The following VAV2 variants were observed in gnomAD, a reference collection of about 807,000 sequenced individuals.
VAV2 encodes the protein vav guanine nucleotide exchange factor 2, also known as guanine nucleotide exchange factor VAV2.
VAV2 carries 67 observed loss-of-function variants against 132.5 expected under a neutral mutation model. That is an observed-to-expected ratio of 0.51 (90% CI 0.42 to 0.62). The LOEUF is 0.62. Among genes scored for constraint, VAV2 ranks in the 20% least tolerant of loss-of-function variants. The probability of loss-of-function intolerance (pLI) is 0.00; values close to 1 mark genes in which losing one functional copy is unlikely to be tolerated. For missense variants in VAV2, 938 were observed against 1,153.6 expected, an observed-to-expected ratio of 0.81 and a Z score of 2.71; for synonymous variants, 492 against 443.5, an observed-to-expected ratio of 1.11 and a Z score of -1.37.
At chr9:133,800,213 C>G (rs1834877837) in intron 9 of VAV2, among the ~76,000 whole-genome samples, 1 of 152,220 alleles carries the variant, frequency 6.6e-6, no homozygotes, top group African/African-American at 2.4e-5. Context: ...AGACCAGAAG[C>G]AAGGCAGGAG....
In VAV2 at chr9:133,879,472, T is replaced by C. The variant is rs535132905; in HGVS notation, c.322-18040A>G. 3.3e-5 allele frequency among the ~76,000 whole-genome samples: 5 copies of C among 152,064 alleles called. No homozygotes were observed. The South Asian group carries it at 8.3e-4, about 25-fold the overall frequency. ...CCTTGAGGCCTGCAGGATGGACAAG[T>C]GTGTGTCAGAGGCTCACCATAAATG... On this transcript the variant is annotated intron_variant, in intron 2 of 29. Coordinates refer to ENST00000371850, the MANE Select transcript of VAV2 (RefSeq NM_001134398.2). This position sits in a 1 kb window ranked among gnomAD's most constrained non-coding sequence, Gnocchi z 4.4.
At chr9:133,874,009 AC>A (rs113460448) in intron 2 of VAV2, among the ~76,000 whole-genome samples, 2,846 of 150,942 alleles carry the variant, frequency 0.019, 49 homozygotes, top group African/African-American at 0.031. Context: ...TTCCCTCAAA[AC>A]CCCCCACGAG....
chr9:133,836,817 C>T (rs889195380), intron 3 of VAV2, among the ~76,000 whole-genome samples: 3 of 152,220 alleles, frequency 2.0e-5, no homozygotes, highest in African/African-American at 4.8e-5. Flanking sequence ...GAAACCCACC[C>T]TAATGGTGAG....
chr9:133,828,774 C>G (rs768830463), intron 4 of VAV2, among the ~76,000 whole-genome samples: 2 of 152,188 alleles, frequency 1.3e-5, no homozygotes, highest in African/African-American at 4.8e-5. Flanking sequence ...GCTGGACTTG[C>G]GCTGGAACAA....
chr9:133,843,156 C>A (rs943635580), intron 3 of VAV2, among the ~76,000 whole-genome samples: 2 of 152,176 alleles, frequency 1.3e-5, no homozygotes, highest in Admixed American at 6.5e-5. Context: ...TGGCCACACC[C>A]GGCTCGGGGA....
At chr9:133,887,730 C>T (rs924973209) in intron 2 of VAV2, among the ~76,000 whole-genome samples, 2 of 152,106 alleles carry the variant, frequency 1.3e-5, no homozygotes, top group Non-Finnish European at 2.9e-5. Flanking sequence ...AGAGGGATGA[C>T]GGCCAGCCTG....
chr9:133,844,043 C>G (rs1836832105), intron 3 of VAV2, among the ~76,000 whole-genome samples: 1 of 152,088 alleles, frequency 6.6e-6, no homozygotes, highest in African/African-American at 2.4e-5. Flanking sequence ...ACCCCCAATC[C>G]AGCGAGGCTG....
chr9:133,988,215 G>A (rs1339389787), intron 1 of VAV2, among the ~76,000 whole-genome samples: 1 of 152,082 alleles, frequency 6.6e-6, no homozygotes, highest in East Asian at 1.9e-4. Flanking sequence ...ACCAGCCAGG[G>A]ATCACAGGCA....
intron 2 of VAV2, among the ~76,000 whole-genome samples, chr9:133,875,658 G>A (rs532297034): frequency 5.3e-5 from 8 of 152,208 alleles, no homozygotes; most frequent in South Asian, 4.1e-4. Flanking sequence ...ACTGCCCTGC[G>A]CCAGGACCTG....
intron 4 of VAV2, among the ~76,000 whole-genome samples, chr9:133,815,406 C>T (rs1251037830): frequency 1.3e-5 from 2 of 152,102 alleles, no homozygotes; most frequent in African/African-American, 4.8e-5. Flanking sequence ...CACTCATGCC[C>T]TCCCACACCA....
At chr9:133,907,991 C>G (rs1284906542) in intron 2 of VAV2, among the ~76,000 whole-genome samples, 1 of 135,224 alleles carries the variant, frequency 7.4e-6, no homozygotes, top group Non-Finnish European at 1.6e-5. Flanking sequence ...CACCCCACCC[C>G]CCTTCCTTCT....
rs759032620 is a variant in VAV2 at position 133,797,753 on chromosome 9, T to C, written c.893A>G (p.Asn298Ser). ...SHMEHAQNTL[N>S]QLLASREDFR... ...GTCCTCCCGGCTGGCCAGGAGCTGG[T>C]TCAGTGTGTTCTGGGCGTGCTCCAT... is the stretch of plus-strand genomic sequence containing the variant. Residue 298 changes from asparagine to serine, a missense_variant, in exon 10 of 30, where the codon AAC (asparagine) becomes AGC (serine). By Grantham distance (46) the Asn-to-Ser change is conservative. Coordinates refer to ENST00000371850, the MANE Select transcript of VAV2 (RefSeq NM_001134398.2). The C allele has an allele frequency of 6.2e-7, 1 of 1,614,022 alleles. No individual in the cohort carries two copies.
chr9:133,846,047 C>G (rs1030772742), intron 3 of VAV2, among the ~76,000 whole-genome samples: 1 of 152,212 alleles, frequency 6.6e-6, no homozygotes, highest in Non-Finnish European at 1.5e-5. Context: ...ATTCACAGAG[C>G]AGGGGAAAGG....
At position 133,859,108 on chromosome 9, in the gene VAV2, C is replaced by A. The variant is rs144704116; in HGVS notation, c.380+2266G>T. ...GACGTGGGGGACGGAGGGGGTGGCC[C>A]GGAGGGAGGGTGCCCACCCCGGGCC... is the stretch of plus-strand genomic sequence containing the variant. On this transcript the variant is annotated intron_variant, in intron 3 of 29. Transcript: ENST00000371850. Among the ~76,000 whole-genome samples the A allele has an allele frequency of 7.2e-5, 11 of 152,066 alleles. No individual in the cohort carries two copies. The East Asian group carries it at 2.1e-3, about 30-fold the overall frequency.
chr9:133,795,734 C>G lies in VAV2; in HGVS notation c.1035G>C (p.Glu345Asp), dbSNP rs752565749. The change falls in exon 12 of 30, where the codon GAG (glutamate) becomes GAC (aspartate). Residue 345 changes from glutamate (E) to aspartate (D), a missense_variant and splice_region_variant. Glu to Asp is a conservative substitution (Grantham distance 45). Transcript: ENST00000371850. ...RVLKYHLLLK[E>D]LLSHSAERPE... ...GCCGTTCCGCAGAATGGCTCAGAAGCTCCTGGAAGGGTGAGAAGAGTGTCA... is the reference window on the plus strand; with the variant it reads ...GCCGTTCCGCAGAATGGCTCAGAAGGTCCTGGAAGGGTGAGAAGAGTGTCA... 6.2e-7 allele frequency: 1 copy of G among 1,613,780 alleles called. No individual in the cohort carries two copies. The highest frequency in any genetic ancestry group is 1.3e-5 in the African/African-American group (1 of 74,954).
rs75859670 is a variant in VAV2, at chr9:133,804,822, T to C, written c.836+1259A>G. 0.026 allele frequency among the ~76,000 whole-genome samples: 3,922 copies of C among 152,258 alleles called. 58 individuals carry two copies. The highest frequency in any genetic ancestry group is 0.049 in the East Asian group (255 of 5,188). On this transcript the variant is annotated intron_variant, in intron 9 of 29. Transcript: ENST00000371850. This position sits in a 1 kb window ranked among gnomAD's most constrained non-coding sequence, Gnocchi z 4.5. Reference sequence around the variant, plus strand: ...TCCTCCCCCGATCCCTGCCCACTCTTAACCCTCTGGGGCTGGCCAGTGTGC... The same window carrying C: ...TCCTCCCCCGATCCCTGCCCACTCTCAACCCTCTGGGGCTGGCCAGTGTGC...
intron 1 of VAV2, among the ~76,000 whole-genome samples, chr9:133,950,790 G>A (rs867366832): frequency 4.6e-5 from 7 of 152,010 alleles, no homozygotes; most frequent in Admixed American, 3.3e-4. Flanking sequence ...TCTGTGAAAC[G>A]GGCTCTTGTC....
chr9:133,773,583 T>C (rs1019776029), intron 25 of VAV2, among the ~76,000 whole-genome samples: 1 of 151,402 alleles, frequency 6.6e-6, no homozygotes, highest in Non-Finnish European at 1.5e-5. Flanking sequence ...AACACAAACA[T>C]ATTACACAGC....
intron 25 of VAV2, among the ~76,000 whole-genome samples, chr9:133,774,319 C>A (rs1468601487): frequency 6.6e-6 from 1 of 152,230 alleles, no homozygotes; most frequent in Non-Finnish European, 1.5e-5. Flanking sequence ...TAGCCTCCTG[C>A]AGGCCAGGCA....
Sources: gnomAD v4.1 joint callset for allele counts (sites outside exome capture counted in the v4.1 genomes callset) on GRCh38, gnomAD v4.1.1 for gene constraint, Gnocchi (gnomAD v3.1) non-coding constraint, MANE v1.5 for transcripts, NCBI Gene and HGNC (gene_info 2026-07-23, HGNC 2026-07-21) for gene names.